Variants in ZFP92 observed in about 807,000 individuals in gnomAD.
ZFP92 encodes the protein zinc finger protein 92 homolog.
ZFP92 carries 2 observed loss-of-function variants against 7.6 expected under a neutral mutation model. The observed-to-expected ratio is 0.26, with a 90% confidence interval of 0.11 to 0.83. ZFP92 has a LOEUF of 0.83. ZFP92 is among the 40% of genes least tolerant of loss of function. The pLI, the probability that ZFP92 is intolerant of heterozygous loss-of-function variation, is 0.65. For missense variants in ZFP92, 324 were observed against 408.3 expected, an observed-to-expected ratio of 0.79 and a Z score of 1.78; for synonymous variants, 226 against 183.6, an observed-to-expected ratio of 1.23 and a Z score of -1.87.
At chrX:153,413,123 C>A (rs1194621582) in intron 2 of ZFP92, among the ~76,000 whole-genome samples, 1 of 111,019 alleles carries the variant, frequency 9.0e-6, no homozygotes, top group East Asian at 2.8e-4. Context: ...GAAGCAAGAT[C>A]CCCCAGGACG....
intron 4 of ZFP92, among the ~76,000 whole-genome samples, chrX:153,419,570 G>A (rs2088981539): frequency 8.9e-6 from 1 of 112,496 alleles, no homozygotes; most frequent in African/African-American, 3.2e-5. Context: ...AAGGCTGGCT[G>A]CTGCAGCTAA....
chrX:153,418,180 A>G, intron 2 of ZFP92, 125 bp from the exon 3 acceptor site: 1 of 754,507 alleles, frequency 1.3e-6, no homozygotes, highest in Non-Finnish European at 2.0e-6. Flanking sequence ...TGCAGGAGTG[A>G]GAACACCACA....
intron 2 of ZFP92, among the ~76,000 whole-genome samples, chrX:153,414,870 T>C (rs1048328952): frequency 9.2e-6 from 1 of 108,775 alleles, no homozygotes; most frequent in Admixed American, 9.8e-5. Context: ...TTTATGAGAG[T>C]TAAAGGTTCT....
chrX:153,419,250 G>A (rs1457129991), intron 4 of ZFP92, among the ~76,000 whole-genome samples: 1 of 112,812 alleles, frequency 8.9e-6, no homozygotes, highest in Non-Finnish European at 1.9e-5. Flanking sequence ...TAAGGACAAA[G>A]TGTAGACTTG....
chrX:153,426,463 T>C lies in ZFP92; in HGVS notation c.*4835T>C, dbSNP rs903175362. ...TTTTGGCCATGACAAATAAAGCTGCTGTGAACATTTGTGTACCAGTTTCTG... is the reference window on the plus strand; with the variant it reads ...TTTTGGCCATGACAAATAAAGCTGCCGTGAACATTTGTGTACCAGTTTCTG... On this transcript the variant is annotated 3_prime_UTR_variant, in exon 6 of 6. Transcript: ENST00000338647. The C allele has an allele frequency of 9.0e-6, 1 of 111,365 alleles. No homozygotes were observed. Among genetic ancestry groups the C allele is most frequent in the Non-Finnish European group, 1.9e-5 (1 of 53,144 alleles). 9.2% of individuals were successfully genotyped at this position (111,365 alleles called of 1,213,427 possible).
chrX:153,412,232 C>G (rs1422282310), intron 2 of ZFP92, among the ~76,000 whole-genome samples: 1 of 112,268 alleles, frequency 8.9e-6, no homozygotes, highest in Non-Finnish European at 1.9e-5. Flanking sequence ...ATCAGCTTAG[C>G]CAAGCCAAGG....
intron 5 of ZFP92, 45 bp from the exon 6 acceptor site, chrX:153,420,598 T>G: frequency 9.1e-7 from 1 of 1,100,578 alleles, no homozygotes; most frequent in Non-Finnish European, 1.2e-6. Context: ...TTCATCTCTC[T>G]GACTTGGCAT....
At position 153,418,796 on chromosome X, in the gene ZFP92, C is replaced by CT; in HGVS notation, c.158dup (p.Phe55IlefsTer36). ...GGAGAACTATAGCCATTTGGTGTCACTGGGTAAGTGATCCCTCCACGACAT... is the reference window on the plus strand; with the variant it reads ...GGAGAACTATAGCCATTTGGTGTCACTTGGGTAAGTGATCCCTCCACGACAT... On this transcript the variant is annotated frameshift_variant, in exon 4 of 6. Transcript: ENST00000338647. LOFTEE classifies it high-confidence loss of function. The CT allele has an allele frequency of 8.6e-7, 1 of 1,167,464 alleles. No homozygotes were observed. The highest frequency in any genetic ancestry group is 1.1e-6 in the Non-Finnish European group (1 of 872,940).
rs2124304446 is a variant in ZFP92, at chrX:153,424,614, C to T, written c.*2986C>T. 1 of 111,942 alleles carries T rather than the reference C, an allele frequency of 8.9e-6. No homozygotes were observed. Among genetic ancestry groups the T allele is most frequent in the East Asian group, 2.8e-4 (1 of 3,556 alleles). The allele number at this position is 111,942 out of a possible 1,213,427, so 9.2% of individuals were successfully genotyped here. On this transcript the variant is annotated 3_prime_UTR_variant, in exon 6 of 6. Transcript: ENST00000338647. ...GCCTGTTTTCCAAGGCTTCCTCCAC[C>T]CTGCCACCGAAGAACTTACCTGGAT... is the stretch of plus-strand genomic sequence containing the variant.
chrX:153,416,936 C>T (rs782558142), intron 2 of ZFP92, among the ~76,000 whole-genome samples: 1 of 111,038 alleles, frequency 9.0e-6, no homozygotes, highest in Non-Finnish European at 1.9e-5. Context: ...AGGGGAGGAG[C>T]CAGGCTCTTT....
chrX:153,415,564 G>T (rs782679828), intron 2 of ZFP92, among the ~76,000 whole-genome samples: 2 of 111,867 alleles, frequency 1.8e-5, no homozygotes, highest in African/African-American at 3.3e-5. Flanking sequence ...ACACAGGTGC[G>T]CAAGGGTTTG....
At chrX:153,418,153 G>C (rs2088968995) in intron 2 of ZFP92, among the ~76,000 whole-genome samples, 152 bp from the exon 3 acceptor site, 1 of 112,219 alleles carries the variant, frequency 8.9e-6, no homozygotes, top group African/African-American at 3.2e-5. Flanking sequence ...CTGATGGTGA[G>C]GGGCCCTTGG....
chrX:153,420,195 G>C, intron 4 of ZFP92, 33 bp from the exon 5 acceptor site: 1 of 1,108,235 alleles, frequency 9.0e-7, no homozygotes, highest in East Asian at 3.3e-5. Context: ...CTCAGCCATA[G>C]TGGTCTTGAC....
intron 4 of ZFP92, among the ~76,000 whole-genome samples, chrX:153,419,623 T>C (rs1473535545): frequency 8.9e-6 from 1 of 112,555 alleles, no homozygotes; most frequent in Non-Finnish European, 1.9e-5. Context: ...AACACTCCAC[T>C]TCCCCTTGCC....
chrX:153,414,494 C>T lies in ZFP92; in HGVS notation c.-19+2481C>T, dbSNP rs993606405. On this transcript the variant is annotated intron_variant, in intron 2 of 5. Transcript: ENST00000338647. ...TCCCAAGTATCTGGGACTACAGACA[C>T]GCGCCACCACACCCAGCTAATTTTA... Among the ~76,000 whole-genome samples, 10 of 110,813 alleles carry T rather than the reference C, an allele frequency of 9.0e-5. No homozygotes were observed. The East Asian group carries it at 1.7e-3, about 19-fold the overall frequency.
chrX:153,421,774 AC>A lies in ZFP92; in HGVS notation c.*150del. 2.7e-6 allele frequency: 2 copies of A among 738,763 alleles called. No individual in the cohort carries two copies. Among genetic ancestry groups the A allele is most frequent in the Non-Finnish European group, 3.4e-6 (2 of 589,152 alleles). The allele number at this position is 738,763 out of a possible 1,213,427, so 60.9% of individuals were successfully genotyped here. On this transcript the variant is annotated 3_prime_UTR_variant, in exon 6 of 6. Coordinates refer to ENST00000338647, the MANE Select transcript of ZFP92 (RefSeq NM_001136273.2). ...CCCTGACCTCTTTGGCCATCAGAAG[AC>A]CCCAGGCAGAGCCTCACCCTGAGGC...
chrX:153,418,252 T>G, intron 2 of ZFP92, 53 bp from the exon 3 acceptor site: 1 of 1,149,733 alleles, frequency 8.7e-7, no homozygotes, highest in Non-Finnish European at 1.2e-6. Flanking sequence ...GGTCGCAGAT[T>G]GGCTGCTCCA....
intron 2 of ZFP92, among the ~76,000 whole-genome samples, chrX:153,412,881 C>T (rs2088920188): frequency 8.9e-6 from 1 of 112,158 alleles, no homozygotes; most frequent in Non-Finnish European, 1.9e-5. Flanking sequence ...CCTGGGTGGC[C>T]CCCTTTTGGC....
chrX:153,414,672 A>G (rs2088936300), intron 2 of ZFP92, among the ~76,000 whole-genome samples: 1 of 111,519 alleles, frequency 9.0e-6, no homozygotes, highest in African/African-American at 3.3e-5. Flanking sequence ...TAAAGAGAAC[A>G]ATTCAGAGGC....
Sources: allele counts gnomAD v4.1 joint callset (sites outside exome capture counted in the v4.1 genomes callset), GRCh38; gene constraint gnomAD v4.1.1; transcripts MANE v1.5; gene names NCBI Gene and HGNC (gene_info 2026-07-23, HGNC 2026-07-21).